PLEKHA7: variants seen among roughly 807,000 people sequenced by gnomAD.
PLEKHA7 encodes the protein pleckstrin homology domain-containing family A member 7.
In PLEKHA7, 104 loss-of-function variants were observed where a neutral mutation model predicts 170.0. That is an observed-to-expected ratio of 0.61 (90% CI 0.52 to 0.72). The LOEUF (loss-of-function observed/expected upper bound fraction) is 0.72, where lower values mean the gene tolerates loss of function less well. Ranked by LOEUF, PLEKHA7 falls within the 30% of genes least tolerant of loss-of-function variation. PLEKHA7 has a pLI of 0.00. For synonymous variants in PLEKHA7, 648 were observed against 660.8 expected, an observed-to-expected ratio of 0.98 and a Z score of 0.30; for missense variants, 1,615 against 1,671.7, an observed-to-expected ratio of 0.97 and a Z score of 0.59.
At position 16,818,736 on chromosome 11, in the gene PLEKHA7, AC is replaced by A. The variant is rs1264312005; in HGVS notation, c.1344-1415del. On this transcript the variant is annotated intron_variant, in intron 10 of 26. Transcript: ENST00000531066. ...AGCCCTTCAATAAACACTCCAGCAC[AC>A]AAAACTGGATATGACTTCAAAAACT... Among the ~76,000 whole-genome samples the A allele has an allele frequency of 2.0e-5, 3 of 152,244 alleles. No individual in the cohort carries two copies. The East Asian group carries it at 5.8e-4, about 29-fold the overall frequency.
intron 4 of PLEKHA7, 74 bp from the exon 5 acceptor site, chr11:16,855,988 G>A: frequency 2.4e-6 from 3 of 1,250,460 alleles, no homozygotes; most frequent in Non-Finnish European, 2.3e-6. Context: ...ATCAGTTCCA[G>A]GTAGGAATCG....
intron 3 of PLEKHA7, among the ~76,000 whole-genome samples, chr11:17,009,693 T>G (rs952277994): frequency 6.6e-6 from 1 of 152,072 alleles, no homozygotes; most frequent in East Asian, 1.9e-4. Flanking sequence ...TGGAGTACAG[T>G]ATCACAATCA....
chr11:16,945,624 C>A (rs1274573975), intron 3 of PLEKHA7, among the ~76,000 whole-genome samples: 2 of 152,222 alleles, frequency 1.3e-5, no homozygotes, highest in Non-Finnish European at 2.9e-5. Flanking sequence ...ATAGAAGCTC[C>A]ATAAAGTTTC....
intron 8 of PLEKHA7, among the ~76,000 whole-genome samples, chr11:16,844,597 T>C (rs2135314808): frequency 6.6e-6 from 1 of 152,348 alleles, no homozygotes; most frequent in South Asian, 2.1e-4. Flanking sequence ...AACATAATCC[T>C]ATGAAGCAAC....
At chr11:16,884,718 C>T (rs150549359) in intron 3 of PLEKHA7, among the ~76,000 whole-genome samples, 325 of 152,244 alleles carry the variant, frequency 2.1e-3, no homozygotes, top group Non-Finnish European at 3.9e-3. Flanking sequence ...TGTCGCAACT[C>T]TGGGCCCCAA....
intron 3 of PLEKHA7, among the ~76,000 whole-genome samples, chr11:16,962,551 C>T (rs1202441341): frequency 1.3e-5 from 2 of 152,154 alleles, no homozygotes; most frequent in Non-Finnish European, 2.9e-5. Flanking sequence ...ACCTGTATCT[C>T]CTGGGTTCAA....
intron 9 of PLEKHA7, among the ~76,000 whole-genome samples, chr11:16,833,884 AT>A (rs1189674945): frequency 3.3e-5 from 5 of 152,112 alleles, no homozygotes; most frequent in African/African-American, 1.2e-4. Context: ...TTTTTCTTTC[AT>A]GAAAGGTAAT....
chr11:16,777,585 T>C lies in PLEKHA7; in HGVS notation c.*1413A>G, dbSNP rs2134089236. Reference sequence around the variant, plus strand: ...TGGCTCCACCCAATGGAGGTTTTCGTTGTTGTTGTTTTTTCCATTTAAACG... The same window carrying C: ...TGGCTCCACCCAATGGAGGTTTTCGCTGTTGTTGTTTTTTCCATTTAAACG... On this transcript the variant is annotated 3_prime_UTR_variant, in exon 27 of 27. Coordinates refer to ENST00000531066, the MANE Select transcript of PLEKHA7 (RefSeq NM_001329630.2). The C allele has an allele frequency of 1.3e-5, 2 of 152,322 alleles. No individual in the cohort carries two copies. Among genetic ancestry groups the C allele is most frequent in the Middle Eastern group, 6.8e-3 (2 of 294 alleles). 9.4% of individuals were successfully genotyped at this position (152,322 alleles called of 1,614,324 possible).
intron 3 of PLEKHA7, among the ~76,000 whole-genome samples, chr11:17,001,836 A>G (rs1864682019): frequency 9.9e-5 from 15 of 152,088 alleles, no homozygotes; most frequent in Admixed American, 9.8e-4. Flanking sequence ...CCCCAGGAAG[A>G]GACTGCACAC....
At chr11:16,794,371 T>TA (rs1289700564) in intron 19 of PLEKHA7, 117 bp downstream of exon 19, 9 of 989,788 alleles carry the variant, frequency 9.1e-6, no homozygotes, top group Middle Eastern at 2.0e-4. Flanking sequence ...AGGACTCCTT[T>TA]AGGACGCTGG....
chr11:16,948,768 A>G (rs1861217654), intron 3 of PLEKHA7, among the ~76,000 whole-genome samples: 1 of 152,114 alleles, frequency 6.6e-6, no homozygotes, highest in Non-Finnish European at 1.5e-5. Context: ...CACATCCCAC[A>G]TGGATGGAAG....
intron 3 of PLEKHA7, among the ~76,000 whole-genome samples, chr11:16,930,101 A>G (rs1400137682): frequency 3.3e-5 from 5 of 152,212 alleles, no homozygotes; most frequent in Non-Finnish European, 7.3e-5. Flanking sequence ...CAAGGCTGTT[A>G]AACTACAATT....
chr11:16,786,539 C>A lies in PLEKHA7; in HGVS notation c.3358-152G>T, dbSNP rs76355744. ...GCAATAGAGAATGAAGCTGCTGTCC[C>A]CTTCATATGGGCTGTTCCAGACTGC... is the stretch of plus-strand genomic sequence containing the variant. On this transcript the variant is annotated intron_variant, in intron 23 of 26. Transcript: ENST00000531066. 3.8e-3 allele frequency: 3,700 copies of A among 985,390 alleles called. 9 individuals are homozygous for A. The highest frequency in any genetic ancestry group is 4.2e-3 in the Non-Finnish European group (3,524 of 829,910). 61.0% of individuals were successfully genotyped at this position (985,390 alleles called of 1,614,324 possible).
intron 3 of PLEKHA7, among the ~76,000 whole-genome samples, chr11:16,894,218 A>G (rs1472151237): frequency 6.6e-6 from 1 of 152,220 alleles, no homozygotes; most frequent in East Asian, 1.9e-4. Context: ...CAGACTGGAC[A>G]TCTAATCAGG....
At position 16,940,281 on chromosome 11, in the gene PLEKHA7, G is replaced by GTT. The variant is rs71047516; in HGVS notation, c.222-69101_222-69100dup. Among the ~76,000 whole-genome samples the GTT allele has an allele frequency of 7.9e-3, 866 of 110,276 alleles. 9 individuals carry two copies. Among genetic ancestry groups the GTT allele is most frequent in the Non-Finnish European group, 0.011 (585 of 53,634 alleles). 72.3% of individuals were successfully genotyped at this position (110,276 alleles called of 152,430 possible). A position where few individuals can be genotyped will look rare whatever the true frequency, so the allele number is the denominator to read the frequency against. ...AGTATCTCAGATCTTTTCTTCTGCT[G>GTT]TTTTTTTTTTTTTTTTTTTTTTTGA... On this transcript the variant is annotated intron_variant, in intron 3 of 26. Coordinates refer to ENST00000531066, the MANE Select transcript of PLEKHA7 (RefSeq NM_001329630.2).
At chr11:16,965,181 G>C (rs904953570) in intron 3 of PLEKHA7, among the ~76,000 whole-genome samples, 1 of 151,926 alleles carries the variant, frequency 6.6e-6, no homozygotes, top group Admixed American at 6.6e-5. Context: ...ACATAAGTCA[G>C]GTGTGGTAGC....
At chr11:16,866,417 C>A (rs950640668) in intron 4 of PLEKHA7, among the ~76,000 whole-genome samples, 1 of 151,896 alleles carries the variant, frequency 6.6e-6, no homozygotes, top group Non-Finnish European at 1.5e-5. Flanking sequence ...CATGGTGAAA[C>A]CCCGTCTCTA....
In PLEKHA7 at chr11:16,813,460, G is replaced by A. The variant is rs1390976417; in HGVS notation, c.1954-294C>T. 3.1e-5 allele frequency: 11 copies of A among 358,206 alleles called. No homozygotes were observed. In the East Asian group the frequency reaches 4.8e-4, roughly 16 times the overall value. The allele number at this position is 358,206 out of a possible 1,614,324, so 22.2% of individuals were successfully genotyped here. ...CCAGGGCTAGGGTAGCTGAGGCAGTGCTGTGCTCCCAAGATAGACCTGGGA... is the reference window on the plus strand; with the variant it reads ...CCAGGGCTAGGGTAGCTGAGGCAGTACTGTGCTCCCAAGATAGACCTGGGA... On this transcript the variant is annotated intron_variant, in intron 12 of 26. Coordinates refer to ENST00000531066, the MANE Select transcript of PLEKHA7 (RefSeq NM_001329630.2).
intron 3 of PLEKHA7, among the ~76,000 whole-genome samples, chr11:17,012,167 A>G (rs1412847320): frequency 6.6e-6 from 1 of 152,170 alleles, no homozygotes; most frequent in East Asian, 1.9e-4. Context: ...GATCGTTCTA[A>G]AAACACACAC....
Sources: allele counts gnomAD v4.1 joint callset (sites outside exome capture counted in the v4.1 genomes callset), GRCh38; gene constraint gnomAD v4.1.1; transcripts MANE v1.5; gene names NCBI Gene and HGNC (gene_info 2026-07-23, HGNC 2026-07-21).